Variants in RENBP observed in about 807,000 individuals in gnomAD.
RENBP encodes the protein renin binding protein.
A neutral mutation model predicts 37.8 loss-of-function variants in RENBP; 16 were observed. The ratio of observed to expected loss-of-function variants is 0.42; its 90% CI spans 0.29 to 0.64. The LOEUF (loss-of-function observed/expected upper bound fraction) is 0.64, where lower values mean the gene tolerates loss of function less well. Ranked by LOEUF, RENBP falls within the 30% of genes least tolerant of loss-of-function variation. RENBP has a pLI of 0.19. For missense variants in RENBP, 347 were observed against 379.5 expected (o/e 0.91, Z 0.71); for synonymous variants, 170 against 154.8 (o/e 1.10, Z -0.73).
intron 9 of RENBP, among the ~76,000 whole-genome samples, chrX:153,937,754 G>A (rs974781666): frequency 1.4e-4 from 16 of 110,766 alleles, no homozygotes; most frequent in Non-Finnish European, 2.8e-4. Context: ...CACCACACCC[G>A]GCTAATTTTT....
chrX:153,940,251 G>A lies in RENBP; in HGVS notation c.946-18C>T, dbSNP rs202069410. On this transcript the variant is annotated intron_variant, in intron 8 of 10. Transcript: ENST00000393700. The stretch of plus-strand genomic sequence containing the variant: ...CACTCCAGCTGAGGGGAGAGCAGGG[G>A]CAGGCATCTCAGCAGGAAACTCCCC... 3 of 1,209,703 alleles carry A rather than the reference G, an allele frequency of 2.5e-6. No homozygotes were observed. Among genetic ancestry groups the A allele is most frequent in the African/African-American group, 3.5e-5 (2 of 57,658 alleles).
At position 153,940,301 on chromosome X, in the gene RENBP, C is replaced by T. The variant is rs1382455667; in HGVS notation, c.946-68G>A. 9 of 1,163,854 alleles carry T rather than the reference C, an allele frequency of 7.7e-6. No individual in the cohort carries two copies. The East Asian group carries it at 1.8e-4, about 23-fold the overall frequency. ...CTCCGCAACTTTCCAGACCTGGCTG[C>T]GTCTCCATTGGCCCAAGCTACTGGA... On this transcript the variant is annotated intron_variant, in intron 8 of 10. Transcript: ENST00000393700.
intron 8 of RENBP, among the ~76,000 whole-genome samples, 164 bp downstream of exon 8, chrX:153,941,314 G>C (rs1283087658): frequency 9.0e-6 from 1 of 110,615 alleles, no homozygotes; most frequent in Non-Finnish European, 1.9e-5. Context: ...CCCTCTTCTG[G>C]GGTCTGGATC....
intron 9 of RENBP, among the ~76,000 whole-genome samples, chrX:153,937,591 G>A (rs1273795743): frequency 2.7e-5 from 3 of 110,125 alleles, no homozygotes; most frequent in East Asian, 5.6e-4. Flanking sequence ...ACAGGCACCC[G>A]CCACCAAGCC....
At chrX:153,938,564 G>A (rs2065212505) in intron 9 of RENBP, among the ~76,000 whole-genome samples, 1 of 110,831 alleles carries the variant, frequency 9.0e-6, no homozygotes, top group African/African-American at 3.3e-5. Flanking sequence ...TCCACTGGGT[G>A]CCATGCCCTT....
At position 153,944,437 on chromosome X, in the gene RENBP, G is replaced by C; in HGVS notation, c.28-19C>G. On this transcript the variant is annotated intron_variant, in intron 1 of 10. Coordinates refer to ENST00000393700, the MANE Select transcript of RENBP (RefSeq NM_002910.6). ...CCATGTCCTAGGGGAAATGGGGCTTGAAGGCGCAGCCCCCACATGGGACCT... is the reference window on the plus strand; with the variant it reads ...CCATGTCCTAGGGGAAATGGGGCTTCAAGGCGCAGCCCCCACATGGGACCT... 9 of 1,191,808 alleles carry C rather than the reference G, an allele frequency of 7.6e-6. No individual in the cohort carries two copies. Among genetic ancestry groups the C allele is most frequent in the Non-Finnish European group, 1.0e-5 (9 of 878,248 alleles).
Position 153,935,308 on chromosome X carries a change from G to A in RENBP, c.1262C>T (p.Pro421Leu), listed in dbSNP as rs1406145962. 1.1e-6 allele frequency: 1 copy of A among 926,561 alleles called. No individual in the cohort carries two copies. The highest frequency in any genetic ancestry group is 1.4e-6 in the Non-Finnish European group (1 of 707,791). The allele number at this position is 926,561 out of a possible 1,213,427, so 76.4% of individuals were successfully genotyped here. A position where few individuals can be genotyped will look rare whatever the true frequency, so the allele number is the denominator to read the frequency against. ...CCTTTATTCCGCGCCTCGGCAGGCG[G>A]GGGTGGGGGCGGGGGAGGGGGCGGG... ...PAPAPSPAPT[P>L]ACRGAE is the part of the protein sequence containing the mutation. The change falls in exon 11 of 11, where the codon CCC becomes CTC. Residue 421 changes from proline to leucine, a missense_variant. By Grantham distance (98) the Pro-to-Leu change is moderately conservative. Transcript: ENST00000393700.
In RENBP at chrX:153,943,400, G is replaced by T. The variant is rs1323460280; in HGVS notation, c.462+146C>A. On this transcript the variant is annotated intron_variant, in intron 5 of 10. Coordinates refer to ENST00000393700, the MANE Select transcript of RENBP (RefSeq NM_002910.6). ...GGGCCCTCTCCGTCTGCGCCCCTGT[G>T]GGGGTAGGGGAGCGTTCAGAGGTGA... 1.7e-5 allele frequency: 10 copies of T among 602,678 alleles called. No homozygotes were observed. In the East Asian group the frequency reaches 2.2e-4, roughly 13 times the overall value. The allele number at this position is 602,678 out of a possible 1,213,427, so 49.7% of individuals were successfully genotyped here.
Position 153,935,347 on chromosome X carries a change from A to G in RENBP, c.1223T>C (p.Leu408Pro). The G allele has an allele frequency of 9.1e-7, 1 of 1,093,644 alleles. No homozygotes were observed. Among genetic ancestry groups the G allele is most frequent in the Non-Finnish European group, 1.2e-6 (1 of 836,247 alleles). The allele number at this position is 1,093,644 out of a possible 1,213,427, so 90.1% of individuals were successfully genotyped here. A position where few individuals can be genotyped will look rare whatever the true frequency, so the allele number is the denominator to read the frequency against. ...AMCEEMLGAL[L>P]SRPAPAPSPA... is the part of the protein sequence containing the mutation. ...GGAGGGGGCGGGGGCGGGGCGGCTCAGCAGGGCGCCCAGCATCTCCTCGCA... is the reference window on the plus strand; with the variant it reads ...GGAGGGGGCGGGGGCGGGGCGGCTCGGCAGGGCGCCCAGCATCTCCTCGCA... Residue 408 changes from leucine to proline, a missense_variant, in exon 11 of 11, where the codon CTG (leucine) becomes CCG (proline). By Grantham distance (98) the Leu-to-Pro change is moderately conservative. Transcript: ENST00000393700.
At chrX:153,941,061 C>T (rs908320271) in intron 8 of RENBP, among the ~76,000 whole-genome samples, 5 of 102,594 alleles carry the variant, frequency 4.9e-5, no homozygotes, top group African/African-American at 1.8e-4. Flanking sequence ...ATCGCTTGAA[C>T]CCGGGAAGCA....
intron 7 of RENBP, 26 bp downstream of exon 7, chrX:153,941,923 TG>T: frequency 2.4e-6 from 2 of 829,377 alleles, no homozygotes; most frequent in Non-Finnish European, 3.7e-6. Flanking sequence ...TCCTCCTGGG[TG>T]GCCCCCAGCC....
At chrX:153,940,282 A>C (rs782499368) in intron 8 of RENBP, 49 bp from the exon 9 acceptor site, 11 of 1,198,134 alleles carry the variant, frequency 9.2e-6, no homozygotes, top group Non-Finnish European at 1.2e-5. Context: ...TCCCCTCCGC[A>C]ACTTTCCAGA....
At position 153,943,938 on chromosome X, in the gene RENBP, G is replaced by C. The variant is rs372748407; in HGVS notation, c.246C>G (p.Phe82Leu). ...GAAGCTGAGCATGGCGGAAGCGCTCGAAAGTGCGGTACAGGCGACAATACA... is the reference window on the plus strand; with the variant it reads ...GAAGCTGAGCATGGCGGAAGCGCTCCAAAGTGCGGTACAGGCGACAATACA... Reference protein sequence around the residue: ...VWMYCRLYRTFERFRHAQLLD... With the variant: ...VWMYCRLYRTLERFRHAQLLD... Residue 82 changes from phenylalanine to leucine, a missense_variant, in exon 4 of 11, where the codon TTC becomes TTG. This residue lies in a region of RENBP where 244 missense variants were observed against 279.4 expected (regional missense o/e 0.87). Coordinates refer to ENST00000393700, the MANE Select transcript of RENBP (RefSeq NM_002910.6). 8.4e-7 allele frequency: 1 copy of C among 1,189,837 alleles called. No homozygotes were observed. The highest frequency in any genetic ancestry group is 1.1e-6 in the Non-Finnish European group (1 of 884,447).
intron 9 of RENBP, among the ~76,000 whole-genome samples, chrX:153,937,625 T>A (rs782187956): frequency 1.8e-5 from 2 of 108,884 alleles, no homozygotes; most frequent in Admixed American, 9.9e-5. Context: ...TATTTATTTT[T>A]TTTATTTTTT....
chrX:153,939,755 C>G (rs1367050547), intron 9 of RENBP, among the ~76,000 whole-genome samples: 1 of 110,173 alleles, frequency 9.1e-6, no homozygotes, highest in African/African-American at 3.3e-5. Flanking sequence ...CCCAGTCCCT[C>G]AGACACACCC....
At position 153,935,337 on chromosome X, in the gene RENBP, G is replaced by T; in HGVS notation, c.1233C>A (p.Pro411=). ...EEMLGALLSR[P]APAPSPAPTP... is the part of the protein sequence containing the mutation. ...TGGGGGCGGGGGAGGGGGCGGGGGC[G>T]GGGCGGCTCAGCAGGGCGCCCAGCA... is the stretch of plus-strand genomic sequence containing the variant. The change falls in exon 11 of 11, where the codon CCC becomes CCA. Residue 411 remains proline, a synonymous_variant. Transcript: ENST00000393700. 1 of 1,043,182 alleles carries T rather than the reference G, an allele frequency of 9.6e-7. No homozygotes were observed. The highest frequency in any genetic ancestry group is 2.0e-5 in the African/African-American group (1 of 51,241). The allele number at this position is 1,043,182 out of a possible 1,213,427, so 86.0% of individuals were successfully genotyped here.
At chrX:153,942,159 C>A in intron 6 of RENBP, 128 bp from the exon 7 acceptor site, 1 of 456,198 alleles carries the variant, frequency 2.2e-6, no homozygotes. Context: ...GACCTGCTGG[C>A]TTGGGTGGGC....
intron 9 of RENBP, 38 bp downstream of exon 9, chrX:153,940,064 C>A (rs368079661): frequency 7.5e-6 from 9 of 1,203,821 alleles, no homozygotes; most frequent in Non-Finnish European, 1.0e-5. Flanking sequence ...CCCATTCCCC[C>A]ATTCAGCCTC....
At chrX:153,937,928 G>C (rs1053701537) in intron 9 of RENBP, among the ~76,000 whole-genome samples, 8 of 110,231 alleles carry the variant, frequency 7.3e-5, no homozygotes, top group African/African-American at 2.6e-4. Flanking sequence ...ACGGGGTTTC[G>C]CCATGTTGAC....
Sources: allele counts gnomAD v4.1 joint callset (sites outside exome capture counted in the v4.1 genomes callset), GRCh38; gene constraint gnomAD v4.1.1; regional missense constraint gnomAD v4.1.1; transcripts MANE v1.5; gene names NCBI Gene and HGNC (gene_info 2026-07-23, HGNC 2026-07-21).